The following ASH1L variants were observed in gnomAD, a reference collection of about 807,000 sequenced individuals.
ASH1L encodes ASH1 like histone lysine methyltransferase, also known as histone-lysine N-methyltransferase ASH1L.
Under a neutral mutation model 269.0 loss-of-function variants are expected in ASH1L, and 23 were observed. The observed-to-expected ratio is 0.09, with a 90% CI of 0.06 to 0.12. The LOEUF (loss-of-function observed/expected upper bound fraction) is 0.12, where lower values mean the gene tolerates loss of function less well. ASH1L is among the 10% of genes least tolerant of loss of function. The pLI, the probability that ASH1L is intolerant of heterozygous loss-of-function variation, is 1.00. For synonymous variants in ASH1L, 1,187 were observed against 1,253.5 expected (o/e 0.95, Z 1.12); for missense variants, 2,912 against 3,567.8 (o/e 0.82, Z 4.68).
chr1:155,507,878 C>T (rs917523843), intron 2 of ASH1L, among the ~76,000 whole-genome samples: 3 of 152,162 alleles, frequency 2.0e-5, no homozygotes, highest in South Asian at 4.1e-4. Flanking sequence ...AGAAGAAGAC[C>T]GTGTCTCTTA....
chr1:155,343,811 A>G lies in ASH1L; in HGVS notation c.7982-69T>C. 6.4e-7 allele frequency: 1 copy of G among 1,569,776 alleles called. No homozygotes were observed. The highest frequency in any genetic ancestry group is 1.2e-5 in the South Asian group (1 of 86,772). On this transcript the variant is annotated intron_variant, in intron 22 of 27. Coordinates refer to ENST00000392403, the MANE Select transcript of ASH1L (RefSeq NM_018489.3). The surrounding 1 kb of genome is among the most constrained non-coding windows in gnomAD (Gnocchi z 6.1). ...TATGAATTCTGTTAGGCATCTGTTT[A>G]TCTGACTCAGGGTCTACATAGAACT...
At chr1:155,341,370 G>A (rs1052661475) in intron 25 of ASH1L, among the ~76,000 whole-genome samples, 2 of 152,088 alleles carry the variant, frequency 1.3e-5, no homozygotes, top group East Asian at 1.9e-4. Context: ...TAGAGAGGGG[G>A]TTTCACCGTG....
At chr1:155,511,678 GTA>G (rs1668170501) in intron 2 of ASH1L, among the ~76,000 whole-genome samples, 1 of 152,096 alleles carries the variant, frequency 6.6e-6, no homozygotes, top group Non-Finnish European at 1.5e-5. Flanking sequence ...GCTAATTTCT[GTA>G]TTTTTAGTAG....
chr1:155,555,141 CAAAAA>C (rs546459143), intron 1 of ASH1L, among the ~76,000 whole-genome samples: 1 of 94,112 alleles, frequency 1.1e-5, no homozygotes, highest in Non-Finnish European at 2.0e-5. Context: ...GAAACCGTCT[CAAAAA>C]AAAAAAAAAA....
intron 2 of ASH1L, among the ~76,000 whole-genome samples, chr1:155,519,741 C>T (rs1051627546): frequency 2.6e-5 from 4 of 152,040 alleles, no homozygotes; most frequent in African/African-American, 9.7e-5. Context: ...TCACTGCAAC[C>T]TCTGCCTCCT....
chr1:155,357,805 C>A, intron 13 of ASH1L, 56 bp from the exon 14 acceptor site: 1 of 1,500,638 alleles, frequency 6.7e-7, no homozygotes, highest in Non-Finnish European at 8.9e-7. Flanking sequence ...AGGGTCTTTC[C>A]TGTCACTCAG....
intron 12 of ASH1L, among the ~76,000 whole-genome samples, chr1:155,368,824 T>C (rs183703661): frequency 6.6e-6 from 1 of 152,346 alleles, no homozygotes; most frequent in Non-Finnish European, 1.5e-5. Context: ...CAGTAATTGA[T>C]AAACAAACTG....
Position 155,407,629 on chromosome 1 carries a change from C to A in ASH1L, c.6008+8115G>T, listed in dbSNP as rs576648415. On this transcript the variant is annotated intron_variant, in intron 6 of 27. Transcript: ENST00000392403. Reference sequence around the variant, plus strand: ...GGATGTACACAAATGTTCATAGCAGCATTACTTGTGATAGCCAAAAGCAGA... The same window carrying A: ...GGATGTACACAAATGTTCATAGCAGAATTACTTGTGATAGCCAAAAGCAGA... Among the ~76,000 whole-genome samples, 6 of 152,174 alleles carry A rather than the reference C, an allele frequency of 3.9e-5. No homozygotes were observed. The East Asian group carries it at 9.6e-4, about 24-fold the overall frequency.
chr1:155,475,075 G>A (rs1665432252), intron 3 of ASH1L, among the ~76,000 whole-genome samples: 1 of 152,092 alleles, frequency 6.6e-6, no homozygotes. Context: ...CCACGATGAA[G>A]CTTTTTTCAG....
Position 155,480,239 on chromosome 1 carries a change from G to C in ASH1L, c.2631C>G (p.Phe877Leu), listed in dbSNP as rs764491006. ...ILQPEIEIPSFKQGLSVSPFP... is the reference protein window; with the variant it reads ...ILQPEIEIPSLKQGLSVSPFP... The stretch of plus-strand genomic sequence containing the variant: ...AAGGAGACACAGACAGACCTTGTTT[G>C]AAGGAAGGGATTTCAATTTCTGGCT... The change falls in exon 3 of 28, where the codon TTC becomes TTG. Residue 877 changes from phenylalanine to leucine, a missense_variant. By Grantham distance (22) the Phe-to-Leu change is conservative (BLOSUM62 0). This residue lies in a region of ASH1L where 715 missense variants were observed against 721.0 expected (regional missense o/e 0.99). Coordinates refer to ENST00000392403, the MANE Select transcript of ASH1L (RefSeq NM_018489.3). 3 of 1,614,176 alleles carry C rather than the reference G, an allele frequency of 1.9e-6. No individual in the cohort carries two copies. In the Admixed American group the frequency reaches 5.0e-5, roughly 27 times the overall value.
At position 155,339,324 on chromosome 1, in the gene ASH1L, T is replaced by C. The variant is rs1652575112; in HGVS notation, c.8501+4A>G. 1.2e-6 allele frequency: 2 copies of C among 1,613,370 alleles called. No homozygotes were observed. The highest frequency in any genetic ancestry group is 1.7e-6 in the Non-Finnish European group (2 of 1,179,330). On this transcript the variant is annotated splice_donor_region_variant and intron_variant, in intron 26 of 27. Transcript: ENST00000392403. ...GGATCCTCATATCCCCCCATGGGAC[T>C]TACCGTCCTCCATTCCTCTTGTAGT...
intron 2 of ASH1L, among the ~76,000 whole-genome samples, chr1:155,519,939 G>A (rs530961428): frequency 2.6e-5 from 4 of 152,254 alleles, no homozygotes; most frequent in South Asian, 2.1e-4. Flanking sequence ...GATTACAGGC[G>A]TGAGCTACCA....
chr1:155,360,187 G>A, intron 13 of ASH1L, 114 bp downstream of exon 13: 1 of 713,296 alleles, frequency 1.4e-6, no homozygotes, highest in Non-Finnish European at 2.4e-6. Flanking sequence ...ACTGTGTCCA[G>A]CCTCCCACAT....
chr1:155,394,133 A>G (rs1296734178), intron 7 of ASH1L, among the ~76,000 whole-genome samples: 1 of 152,200 alleles, frequency 6.6e-6, no homozygotes, highest in Non-Finnish European at 1.5e-5. Context: ...TCCTTAAAAG[A>G]TGAGCAGAAA....
chr1:155,336,273 A>G lies in ASH1L; in HGVS notation c.*1387T>C, dbSNP rs116580423. The G allele has an allele frequency of 0.017, 2,525 of 152,514 alleles. 34 individuals carry two copies. Among genetic ancestry groups the G allele is most frequent in the Non-Finnish European group, 0.029 (1,989 of 67,944 alleles). The allele number at this position is 152,514 out of a possible 1,614,324, so 9.4% of individuals were successfully genotyped here. A position where few individuals can be genotyped will look rare whatever the true frequency, so the allele number is the denominator to read the frequency against. On this transcript the variant is annotated 3_prime_UTR_variant, in exon 28 of 28. Coordinates refer to ENST00000392403, the MANE Select transcript of ASH1L (RefSeq NM_018489.3). ...TGTACAATTAGGACAGCATTGGTCC[A>G]ATATTAGAAAAAAGTAATGGGGACA...
At chr1:155,407,329 T>C (rs1323381192) in intron 6 of ASH1L, among the ~76,000 whole-genome samples, 1 of 152,238 alleles carries the variant, frequency 6.6e-6, no homozygotes, top group Non-Finnish European at 1.5e-5. Context: ...CATAAATTTC[T>C]AGGACTACAA....
At position 155,490,614 on chromosome 1, in the gene ASH1L, TCACACACA is replaced by T. The variant is rs144278501; in HGVS notation, c.421-8173_421-8166del. Reference sequence around the variant, plus strand: ...GTATGGGCTACACAGCCAGACTACGTCACACACACACACACACACACACACACACATAC... The same window carrying T: ...GTATGGGCTACACAGCCAGACTACGTCACACACACACACACACACACATAC... On this transcript the variant is annotated intron_variant, in intron 2 of 27. Transcript: ENST00000392403. Among the ~76,000 whole-genome samples the T allele has an allele frequency of 5.2e-3, 743 of 142,392 alleles. 3 individuals are homozygous for T. Among genetic ancestry groups the T allele is most frequent in the Middle Eastern group, 0.021 (6 of 284 alleles). The allele number at this position is 142,392 out of a possible 152,430, so 93.4% of individuals were successfully genotyped here.
At chr1:155,532,877 ATATGTATATATATATGTATGTATG>A (rs1669772831) in intron 1 of ASH1L, among the ~76,000 whole-genome samples, 2 of 149,008 alleles carry the variant, frequency 1.3e-5, no homozygotes, top group African/African-American at 4.9e-5. Flanking sequence ...ATGTGTATAT[ATATGTATATATATATGTATGTATG>A]TATATGTATG....
At chr1:155,356,513 T>TA (rs1259304876) in intron 15 of ASH1L, among the ~76,000 whole-genome samples, 1 of 150,930 alleles carries the variant, frequency 6.6e-6, no homozygotes, top group East Asian at 2.0e-4. Context: ...CACGTGCCTG[T>TA]AGTCCCAGCT....
Sources: gnomAD v4.1 joint callset for allele counts (sites outside exome capture counted in the v4.1 genomes callset) on GRCh38, gnomAD v4.1.1 for gene constraint, gnomAD v4.1.1 regional missense constraint, Gnocchi (gnomAD v3.1) non-coding constraint, MANE v1.5 for transcripts, NCBI Gene and HGNC (gene_info 2026-07-23, HGNC 2026-07-21) for gene names.